MAF: variants seen among roughly 807,000 people sequenced by gnomAD.
MAF encodes MAF bZIP transcription factor.
In MAF, 10 loss-of-function variants were observed where a neutral mutation model predicts 22.0. The observed-to-expected ratio is 0.45, with a 90% CI of 0.28 to 0.77. The LOEUF is 0.77. Ranked by LOEUF, MAF falls within the 30% of genes least tolerant of loss-of-function variation. The pLI, the probability that MAF is intolerant of heterozygous loss-of-function variation, is 0.12. For missense variants in MAF, 544 were observed against 548.4 expected (o/e 0.99, Z 0.08); for synonymous variants, 337 against 255.8 (o/e 1.32, Z -3.03).
At chr16:79,516,729 T>C in the MAF span, among the ~76,000 whole-genome samples, 1 of 152,218 alleles carries the variant, frequency 6.6e-6, no homozygotes. Flanking sequence ...TGGGCTCATT[T>C]TCCAAGATCT....
chr16:79,403,897 G>A, the MAF span, among the ~76,000 whole-genome samples: 1 of 152,180 alleles, frequency 6.6e-6, no homozygotes, highest in East Asian at 1.9e-4. Flanking sequence ...TGGGGAGGGC[G>A]AGAGGCATGT....
At chr16:79,336,385 A>G in the MAF span, among the ~76,000 whole-genome samples, 2 of 151,958 alleles carry the variant, frequency 1.3e-5, no homozygotes, top group African/African-American at 4.8e-5. Flanking sequence ...TAGCCAGTAA[A>G]GAACAGAGCC....
chr16:79,451,323 C>T, the MAF span, among the ~76,000 whole-genome samples: 1 of 152,174 alleles, frequency 6.6e-6, no homozygotes, highest in Admixed American at 6.5e-5. Flanking sequence ...CCACAGGAGG[C>T]TAATAGGACC....
chr16:79,567,358 C>T, the MAF span, among the ~76,000 whole-genome samples: 2 of 152,094 alleles, frequency 1.3e-5, no homozygotes, highest in Non-Finnish European at 2.9e-5. Flanking sequence ...AGGGGTCACT[C>T]ATTCAATCTG....
chr16:79,402,105 C>T, the MAF span, among the ~76,000 whole-genome samples: 137,288 of 152,206 alleles, frequency 0.9, 62,315 homozygotes, highest in Non-Finnish European at 0.96. Flanking sequence ...TCTCTAGCTG[C>T]CTGAGGCTAG....
At chr16:79,397,804 C>G in the MAF span, among the ~76,000 whole-genome samples, 1 of 152,138 alleles carries the variant, frequency 6.6e-6, no homozygotes, top group Non-Finnish European at 1.5e-5. Flanking sequence ...TCCTTAGGAC[C>G]CCAGGAAGTT....
At chr16:79,219,585 G>A in the MAF span, among the ~76,000 whole-genome samples, 1 of 138,180 alleles carries the variant, frequency 7.2e-6, no homozygotes, top group Non-Finnish European at 1.5e-5. Flanking sequence ...AAGACTCACA[G>A]CTTTTGAAGT....
the MAF span, among the ~76,000 whole-genome samples, chr16:79,426,655 G>A: frequency 6.6e-6 from 1 of 152,314 alleles, no homozygotes; most frequent in African/African-American, 2.4e-5. Context: ...AGTCCCCTGA[G>A]CCAGCCTAGC....
chr16:79,256,370 C>T, the MAF span, among the ~76,000 whole-genome samples: 1 of 152,116 alleles, frequency 6.6e-6, no homozygotes, highest in Non-Finnish European at 1.5e-5. Flanking sequence ...ACTGCAACAG[C>T]ATCCATTTTA....
At chr16:79,215,840 C>A in the MAF span, among the ~76,000 whole-genome samples, 2 of 152,182 alleles carry the variant, frequency 1.3e-5, no homozygotes, top group African/African-American at 4.8e-5. Context: ...AGCACAACGT[C>A]CTACTCCACT....
the MAF span, among the ~76,000 whole-genome samples, chr16:79,411,253 G>C: frequency 6.6e-6 from 1 of 152,134 alleles, no homozygotes; most frequent in Non-Finnish European, 1.5e-5. Context: ...TGTCCCTCAA[G>C]CATTCAAGAC....
the MAF span, among the ~76,000 whole-genome samples, chr16:79,299,888 A>G: frequency 1.3e-5 from 2 of 152,318 alleles, no homozygotes; most frequent in East Asian, 3.9e-4. Flanking sequence ...GCCCAGAGCC[A>G]TCTCTTTCAC....
chr16:79,512,022 G>T, the MAF span, among the ~76,000 whole-genome samples: 1 of 152,180 alleles, frequency 6.6e-6, no homozygotes, highest in Non-Finnish European at 1.5e-5. Flanking sequence ...GACACCCAGT[G>T]CACGAACTTC....
chr16:79,488,630 C>A, the MAF span, among the ~76,000 whole-genome samples: 1 of 152,006 alleles, frequency 6.6e-6, no homozygotes, highest in Admixed American at 6.6e-5. Flanking sequence ...ATATTATTAC[C>A]ATTATTAGAG....
At chr16:79,575,690 C>T in the MAF span, among the ~76,000 whole-genome samples, 6 of 152,144 alleles carry the variant, frequency 3.9e-5, no homozygotes, top group East Asian at 3.9e-4. Context: ...AAGGGAGGAA[C>T]GTGGGACAAA....
the MAF span, among the ~76,000 whole-genome samples, chr16:79,333,065 G>C: frequency 2.0e-5 from 3 of 152,376 alleles, no homozygotes; most frequent in East Asian, 3.9e-4. Flanking sequence ...AGCCTGAAGA[G>C]AGTCAGCATA....
At chr16:79,377,143 G>A in the MAF span, among the ~76,000 whole-genome samples, 1 of 152,184 alleles carries the variant, frequency 6.6e-6, no homozygotes, top group African/African-American at 2.4e-5. Context: ...CCCACCAACG[G>A]TGTAAAAGTG....
the MAF span, among the ~76,000 whole-genome samples, chr16:79,263,049 T>C: frequency 6.6e-6 from 1 of 152,182 alleles, no homozygotes; most frequent in South Asian, 2.1e-4. Flanking sequence ...ATTTTCCATA[T>C]TGACACAGTG....
chr16:79,261,371 T>G, the MAF span, among the ~76,000 whole-genome samples: 1 of 152,192 alleles, frequency 6.6e-6, no homozygotes. Context: ...CAGGCTGGTC[T>G]TGAACTCACA....
Sources: allele counts gnomAD v4.1 joint callset (sites outside exome capture counted in the v4.1 genomes callset), GRCh38; gene constraint gnomAD v4.1.1; transcripts MANE v1.5; gene names NCBI Gene and HGNC (gene_info 2026-07-23, HGNC 2026-07-21).